Variants in ANAPC11 observed in about 807,000 individuals in gnomAD.
ANAPC11 encodes the protein anaphase promoting complex subunit 11, also known as anaphase-promoting complex subunit 11.
In ANAPC11, 5 loss-of-function variants were observed where a neutral mutation model predicts 11.8. The ratio of observed to expected loss-of-function variants is 0.42; its 90% CI spans 0.22 to 0.89. The LOEUF (loss-of-function observed/expected upper bound fraction) is 0.89. Ranked by LOEUF, ANAPC11 falls within the 40% of genes least tolerant of loss-of-function variation. The pLI is 0.28. For synonymous variants in ANAPC11, 45 were observed against 41.0 expected (o/e 1.10, Z -0.38); for missense variants, 68 against 112.9 (o/e 0.60, Z 1.80).
At chr17:81,891,018 C>T (rs1480383511), upstream of ANAPC11, 3 of 813,704 alleles carry the variant, frequency 3.7e-6, no homozygotes, top group Admixed American at 3.0e-5. Context: ...AACTTCAGTT[C>T]CCTTAGACTA....
At chr17:81,896,806 T>C (rs2039761055) in intron 3 of ANAPC11, among the ~76,000 whole-genome samples, 1 of 92,792 alleles carries the variant, frequency 1.1e-5, no homozygotes, top group African/African-American at 5.0e-5. Context: ...TGCTTTTTTT[T>C]TTTTTTTTTT....
At chr17:81,898,928 AG>A (rs2039834954) in intron 3 of ANAPC11, 2 of 404,320 alleles carry the variant, frequency 4.9e-6, no homozygotes, top group Non-Finnish European at 4.5e-6. Flanking sequence ...CCCTCTCCTC[AG>A]GGGGCTAGCA....
intron 3 of ANAPC11, 155 bp from the exon 4 acceptor site, chr17:81,899,765 T>G (rs2039877531): frequency 3.1e-6 from 3 of 958,138 alleles, no homozygotes; most frequent in Non-Finnish European, 4.6e-6. Flanking sequence ...GGAGACCGAT[T>G]GGGTAACACT....
intron 2 of ANAPC11, among the ~76,000 whole-genome samples, chr17:81,893,892 G>A (rs2039640907): frequency 6.6e-6 from 1 of 151,714 alleles, no homozygotes; most frequent in Non-Finnish European, 1.5e-5. Context: ...CCACAAAGCG[G>A]ATTGCTGCTG....
chr17:81,897,643 ATTT>A (rs1436406087), intron 3 of ANAPC11, among the ~76,000 whole-genome samples: 1 of 151,884 alleles, frequency 6.6e-6, no homozygotes, highest in African/African-American at 2.4e-5. Flanking sequence ...TGCCTGGCTA[ATTT>A]TTTATTTTTT....
At chr17:81,894,410 A>T in intron 2 of ANAPC11, 57 bp from the exon 3 acceptor site, 2 of 1,075,542 alleles carry the variant, frequency 1.9e-6, no homozygotes, top group Non-Finnish European at 2.8e-6. Context: ...GTTGGTGCCT[A>T]AACGTTCTAG....
downstream of ANAPC11, chr17:81,900,372 T>C: frequency 2.3e-6 from 1 of 430,446 alleles, no homozygotes; most frequent in Admixed American, 4.1e-5. Flanking sequence ...CGTCAAACCC[T>C]GAGTCATGAC....
chr17:81,900,062 G>T lies in ANAPC11; in HGVS notation c.252G>T (p.Glu84Asp). 1 of 1,612,626 alleles carries T rather than the reference G, an allele frequency of 6.2e-7. No homozygotes were observed. Among genetic ancestry groups the T allele is most frequent in the Non-Finnish European group, 8.5e-7 (1 of 1,179,872 alleles). ...PMCRQEWKFKE is the reference protein window; with the variant it reads ...PMCRQEWKFKD ...GCCGCCAGGAATGGAAGTTCAAGGAGTGAGGCCCGACCTGGCTCTCGCTGG... is the reference window on the plus strand; with the variant it reads ...GCCGCCAGGAATGGAAGTTCAAGGATTGAGGCCCGACCTGGCTCTCGCTGG... The change falls in exon 4 of 4, where the codon GAG (glutamate) becomes GAT (aspartate). Residue 84 changes from glutamate (E) to aspartate (D), a missense_variant. By Grantham distance (45) the Glu-to-Asp change is conservative. Transcript: ENST00000344877.
intron 3 of ANAPC11, chr17:81,899,537 C>T: frequency 6.2e-7 from 1 of 1,612,628 alleles, no homozygotes; most frequent in Non-Finnish European, 8.5e-7. Flanking sequence ...GGCCCAGGGC[C>T]TGTAGGTCAG....
chr17:81,895,140 C>T (rs147973120), intron 3 of ANAPC11, among the ~76,000 whole-genome samples: 3,239 of 145,726 alleles, frequency 0.022, 109 homozygotes, highest in African/African-American at 0.08. Flanking sequence ...CTGCAACCTC[C>T]GCCTCCTGGG....
chr17:81,898,707 G>C (rs1245301621), intron 3 of ANAPC11: 2 of 155,086 alleles, frequency 1.3e-5, no homozygotes, highest in Non-Finnish European at 2.9e-5. Flanking sequence ...CCGCATCCCA[G>C]GGGACTCTGG....
upstream of ANAPC11, chr17:81,890,989 G>A (rs920172659): frequency 9.9e-7 from 1 of 1,010,696 alleles, no homozygotes; most frequent in Non-Finnish European, 1.4e-6. Flanking sequence ...GAGGCCGCAC[G>A]GTCCCACCGC....
chr17:81,896,457 T>C (rs1360586276), intron 3 of ANAPC11, among the ~76,000 whole-genome samples: 1 of 152,124 alleles, frequency 6.6e-6, no homozygotes, highest in African/African-American at 2.4e-5. Flanking sequence ...TGTTTGATTA[T>C]GTTTAGGTTG....
chr17:81,891,004 G>A (rs2039512816), upstream of ANAPC11: 5 of 904,144 alleles, frequency 5.5e-6, no homozygotes, highest in East Asian at 2.7e-5. Flanking sequence ...CACCGCGGCC[G>A]CACAACTTCA....
At chr17:81,894,631 G>T in intron 3 of ANAPC11, 45 bp downstream of exon 3, 1 of 1,387,282 alleles carries the variant, frequency 7.2e-7, no homozygotes, top group South Asian at 1.2e-5. Context: ...GACTGTGAGT[G>T]TCCCCTCTGT....
intron 3 of ANAPC11, among the ~76,000 whole-genome samples, chr17:81,895,253 C>G (rs1257161609): frequency 6.6e-6 from 1 of 151,996 alleles, no homozygotes; most frequent in Non-Finnish European, 1.5e-5. Context: ...CAGGCTTTCT[C>G]CATGTTAGGC....
intron 3 of ANAPC11, chr17:81,899,403 T>A: frequency 6.2e-7 from 1 of 1,613,822 alleles, no homozygotes; most frequent in Non-Finnish European, 8.5e-7. Flanking sequence ...GTCTTCTAGG[T>A]CCCCAGACCC....
At chr17:81,898,189 C>G (rs374537179) in intron 3 of ANAPC11, 1 of 152,292 alleles carries the variant, frequency 6.6e-6, no homozygotes, top group African/African-American at 2.4e-5. Flanking sequence ...CATTCGACTT[C>G]TGGAGCAGCA....
At chr17:81,896,186 C>T (rs544878377) in intron 3 of ANAPC11, among the ~76,000 whole-genome samples, 11 of 151,828 alleles carry the variant, frequency 7.2e-5, no homozygotes, top group South Asian at 4.2e-4. Context: ...TTTGGGAGGC[C>T]GAGGTGGATG....
Sources: gnomAD v4.1 joint callset for allele counts (sites outside exome capture counted in the v4.1 genomes callset) on GRCh38, gnomAD v4.1.1 for gene constraint, MANE v1.5 for transcripts, NCBI Gene and HGNC (gene_info 2026-07-23, HGNC 2026-07-21) for gene names.